The following DTNA variants were observed in gnomAD, a reference collection of about 807,000 sequenced individuals.
DTNA encodes the protein dystrophin-related protein 3.
In DTNA, 43 loss-of-function variants were observed where a neutral mutation model predicts 100.7. That is an observed-to-expected ratio of 0.43 (90% CI 0.33 to 0.55). The LOEUF (loss-of-function observed/expected upper bound fraction) is 0.55. DTNA is among the 20% of genes least tolerant of loss of function. The pLI, the probability that DTNA is intolerant of heterozygous loss-of-function variation, is 0.04. For missense variants in DTNA, 798 were observed against 953.9 expected, an observed-to-expected ratio of 0.84 and a Z score of 2.15; for synonymous variants, 349 against 347.9, an observed-to-expected ratio of 1.00 and a Z score of -0.04.
At chr18:34,687,989 G>C (rs2145747706) in intron 1 of DTNA, among the ~76,000 whole-genome samples, 1 of 151,160 alleles carries the variant, frequency 6.6e-6, no homozygotes, top group East Asian at 1.9e-4. Flanking sequence ...CTTTCTGTTT[G>C]CTTGATAAGT....
At chr18:34,636,847 T>C (rs1178976268) in intron 1 of DTNA, among the ~76,000 whole-genome samples, 2 of 152,204 alleles carry the variant, frequency 1.3e-5, no homozygotes, top group African/African-American at 4.8e-5. Flanking sequence ...ATATTCAGAA[T>C]AAAATTCAGA....
At chr18:34,721,434 G>T (rs2146960794) in intron 1 of DTNA, among the ~76,000 whole-genome samples, 1 of 152,068 alleles carries the variant, frequency 6.6e-6, no homozygotes, top group East Asian at 1.9e-4. Context: ...TCACACACTG[G>T]ATTAAAAGGT....
intron 20 of DTNA, among the ~76,000 whole-genome samples, chr18:34,879,937 C>T (rs1209216137): frequency 6.6e-6 from 1 of 151,986 alleles, no homozygotes; most frequent in African/African-American, 2.4e-5. Flanking sequence ...TAACCTAAAC[C>T]AACCAGTGCC....
At chr18:34,619,975 G>C (rs2056137727) in intron 1 of DTNA, among the ~76,000 whole-genome samples, 1 of 152,170 alleles carries the variant, frequency 6.6e-6, no homozygotes, top group African/African-American at 2.4e-5. Flanking sequence ...TAGCCAAAGA[G>C]ATGGAGGGGT....
chr18:34,554,008 G>C (rs2045746804), intron 1 of DTNA, among the ~76,000 whole-genome samples: 1 of 147,488 alleles, frequency 6.8e-6, no homozygotes, highest in Non-Finnish European at 1.5e-5. Flanking sequence ...TCCTACCCAT[G>C]AGCATGGAAT....
At chr18:34,553,538 T>C (rs1384721028) in intron 1 of DTNA, among the ~76,000 whole-genome samples, 1 of 152,136 alleles carries the variant, frequency 6.6e-6, no homozygotes, top group Non-Finnish European at 1.5e-5. Context: ...CTTTAATCCA[T>C]CTTGAATTGA....
intron 1 of DTNA, among the ~76,000 whole-genome samples, chr18:34,684,478 T>G (rs1287806283): frequency 2.0e-5 from 3 of 152,146 alleles, no homozygotes; most frequent in African/African-American, 7.2e-5. Context: ...GGACATGAAC[T>G]CGTTCTTTTT....
At position 34,875,337 on chromosome 18, in the gene DTNA, G is replaced by A. The variant is rs752169840; in HGVS notation, c.1842G>A (p.Thr614=). The A allele has an allele frequency of 4.3e-6, 7 of 1,614,050 alleles. No individual in the cohort carries two copies. Among genetic ancestry groups the A allele is most frequent in the Middle Eastern group, 1.6e-4 (1 of 6,084 alleles). ...IRSASACSTP[T]HTPQDSLTGV... is the part of the protein sequence containing the mutation. ...CAGCGTCAGCCTGCTCCACCCCGAC[G>A]CACACGCCGCAGGACTCCCTCACAG... The change falls in exon 18 of 23, where the codon ACG becomes ACA. Residue 614 remains threonine, a synonymous_variant. Coordinates refer to ENST00000444659, the MANE Select transcript of DTNA (RefSeq NM_001386795.1).
chr18:34,763,595 T>TA (rs1175071152), intron 2 of DTNA, among the ~76,000 whole-genome samples: 2 of 152,122 alleles, frequency 1.3e-5, no homozygotes, highest in East Asian at 1.9e-4. Context: ...CGTCTATTTT[T>TA]AAAAAAAGAT....
chr18:34,803,491 G>A (rs180672310), intron 4 of DTNA, among the ~76,000 whole-genome samples: 47 of 152,152 alleles, frequency 3.1e-4, no homozygotes, highest in African/African-American at 8.7e-4. Context: ...ATCATTGGTG[G>A]TCAATCCTCT....
chr18:34,669,038 C>T (rs1014680274), intron 1 of DTNA, among the ~76,000 whole-genome samples: 4 of 152,046 alleles, frequency 2.6e-5, no homozygotes, highest in Non-Finnish European at 5.9e-5. Context: ...TGAAAGTCTC[C>T]CATTATTATT....
chr18:34,849,925 A>G (rs1289681144), intron 14 of DTNA, among the ~76,000 whole-genome samples: 2 of 152,220 alleles, frequency 1.3e-5, no homozygotes, highest in African/African-American at 4.8e-5. Flanking sequence ...GCAGACTGCT[A>G]AATCTCCATG....
rs1173867612 is a variant in DTNA, at chr18:34,493,683, G to A, written c.-2+169G>A. ...GCGGGGCGGGAGGTGCACATGACGC[G>A]CAGCCCCGGCTGCGCAGGGACCGCA... is the stretch of plus-strand genomic sequence containing the variant. On this transcript the variant is annotated intron_variant, in intron 1 of 19. Coordinates refer to the DTNA transcript ENST00000283365. Among the ~76,000 whole-genome samples the A allele has an allele frequency of 2.0e-5, 3 of 149,018 alleles. No individual in the cohort carries two copies. In the East Asian group the frequency reaches 6.0e-4, roughly 30 times the overall value.
At chr18:34,655,149 A>C (rs993186403) in intron 1 of DTNA, among the ~76,000 whole-genome samples, 1 of 152,100 alleles carries the variant, frequency 6.6e-6, no homozygotes, top group Non-Finnish European at 1.5e-5. Flanking sequence ...AAAAATGTAA[A>C]CCCCCGTTTA....
chr18:34,713,453 C>T (rs868010807), intron 1 of DTNA, among the ~76,000 whole-genome samples: 3 of 152,036 alleles, frequency 2.0e-5, no homozygotes, highest in South Asian at 2.1e-4. Flanking sequence ...AGATATGCAG[C>T]GTTATTTCTG....
intron 2 of DTNA, among the ~76,000 whole-genome samples, chr18:34,756,267 A>G (rs1485959218): frequency 6.6e-6 from 1 of 152,182 alleles, no homozygotes. Context: ...TATGTGGAAG[A>G]AAATGTTTAT....
intron 3 of DTNA, among the ~76,000 whole-genome samples, chr18:34,790,810 G>GT (rs1258950442): frequency 1.3e-5 from 2 of 152,164 alleles, no homozygotes; most frequent in African/African-American, 4.8e-5. Context: ...CAGCCAAACA[G>GT]TAAGCGTGAT....
chr18:34,564,104 G>T (rs188018961), intron 1 of DTNA, among the ~76,000 whole-genome samples: 7 of 151,336 alleles, frequency 4.6e-5, no homozygotes, highest in Non-Finnish European at 7.4e-5. Context: ...GGCTTTTATC[G>T]TATAATTGCA....
At chr18:34,820,937 G>A (rs2095699163) in intron 9 of DTNA, 22 bp downstream of exon 9, 3 of 1,609,658 alleles carry the variant, frequency 1.9e-6, no homozygotes, top group Non-Finnish European at 1.7e-6. Flanking sequence ...TACCCTCCCA[G>A]TATAGAGACA....
Sources: gnomAD v4.1 joint callset for allele counts (sites outside exome capture counted in the v4.1 genomes callset) on GRCh38, gnomAD v4.1.1 for gene constraint, MANE v1.5 for transcripts, NCBI Gene and HGNC (gene_info 2026-07-23, HGNC 2026-07-21) for gene names.